CILK1: variants seen among roughly 807,000 people sequenced by gnomAD.
The protein encoded by CILK1 is ciliogenesis associated kinase 1, also known as serine/threonine-protein kinase ICK.
A neutral mutation model predicts 79.2 loss-of-function variants in CILK1; 47 were observed. The ratio of observed to expected loss-of-function variants is 0.59; its 90% CI spans 0.47 to 0.76. The LOEUF is 0.76. Ranked by LOEUF, CILK1 falls within the 30% of genes least tolerant of loss-of-function variation. CILK1 has a pLI of 0.00. For synonymous variants in CILK1, 266 were observed against 275.9 expected (o/e 0.96, Z 0.36); for missense variants, 660 against 769.5 (o/e 0.86, Z 1.68).
intron 1 of CILK1, among the ~76,000 whole-genome samples, chr6:53,045,037 T>C (rs1327690778): frequency 2.6e-5 from 4 of 152,230 alleles, no homozygotes; most frequent in Non-Finnish European, 5.9e-5. Context: ...TTAAAATTAT[T>C]ATAGATTAAA....
chr6:53,052,287 T>C (rs6903243), intron 1 of CILK1, among the ~76,000 whole-genome samples: 303 of 152,290 alleles, frequency 2.0e-3, no homozygotes, highest in African/African-American at 7.0e-3. Flanking sequence ...ATTTTCTTTA[T>C]CCAAGCATAC....
At chr6:53,059,906 T>C (rs1254849785) in intron 1 of CILK1, among the ~76,000 whole-genome samples, 1 of 152,198 alleles carries the variant, frequency 6.6e-6, no homozygotes, top group African/African-American at 2.4e-5. Context: ...GAGAGCTTAC[T>C]AAGAGTCAGG....
rs749304750 is a variant in CILK1 at position 53,012,198 on chromosome 6, A to G, written c.1182T>C (p.Asn394=). The part of the protein sequence containing the change: ...SKITAGLEHK[N]GEIKPKSRRR... ...TCCTACTCTTTGGCTTTATCTCACC[A>G]TTTTTGTGCTCCAGGCCAGCTGTGA... Residue 394 remains asparagine (N), a synonymous_variant, in exon 10 of 14, where the codon AAT becomes AAC. Coordinates refer to ENST00000676107, the MANE Select transcript of CILK1 (RefSeq NM_014920.5). 1.2e-6 allele frequency: 2 copies of G among 1,614,022 alleles called. No homozygotes were observed. Among genetic ancestry groups the G allele is most frequent in the Admixed American group, 3.3e-5 (2 of 59,994 alleles).
At chr6:53,008,968 G>C (rs1018448481) in intron 12 of CILK1, among the ~76,000 whole-genome samples, 1 of 152,008 alleles carries the variant, frequency 6.6e-6, no homozygotes, top group Non-Finnish European at 1.5e-5. Context: ...TCATTCATCC[G>C]TTTAACAAAA....
chr6:53,017,294 G>C (rs543114856), intron 7 of CILK1, among the ~76,000 whole-genome samples: 1 of 152,292 alleles, frequency 6.6e-6, no homozygotes, highest in South Asian at 2.1e-4. Context: ...TCCTGAGTGA[G>C]CTTATGGTCT....
rs538053517 is a variant in CILK1 at position 53,051,887 on chromosome 6, C to T, written c.-173+9709G>A. ...CAGAAATCTGTGCTTACTTACCCAG[C>T]GAACAAGGACATTCTGTTTTAAAAT... is the stretch of plus-strand genomic sequence containing the variant. On this transcript the variant is annotated intron_variant, in intron 1 of 13. Coordinates refer to ENST00000676107, the MANE Select transcript of CILK1 (RefSeq NM_014920.5). 7.9e-5 allele frequency: 12 copies of T among 152,282 alleles called. No individual in the cohort carries two copies. The South Asian group carries it at 8.3e-4, about 11-fold the overall frequency. The allele number at this position is 152,282 out of a possible 1,614,324, so 9.4% of individuals were successfully genotyped here.
At chr6:53,037,606 T>C (rs1238436977) in intron 3 of CILK1, among the ~76,000 whole-genome samples, 4 of 152,194 alleles carry the variant, frequency 2.6e-5, no homozygotes, top group African/African-American at 9.7e-5. Context: ...AAGTAAGTAC[T>C]GCTATTATGT....
intron 11 of CILK1, 60 bp from the exon 12 acceptor site, chr6:53,009,627 C>G: frequency 7.1e-7 from 1 of 1,414,348 alleles, no homozygotes; most frequent in South Asian, 1.2e-5. Context: ...CACTAGACTA[C>G]AAAGATAAAA....
Position 53,041,207 on chromosome 6 carries a change from G to T in CILK1, c.30C>A (p.Leu10=). The change falls in exon 2 of 14, where the codon CTC becomes CTA. Residue 10 remains leucine, a synonymous_variant. Coordinates refer to ENST00000676107, the MANE Select transcript of CILK1 (RefSeq NM_014920.5). ...GGACGGAACCGTAGGTTCCATCCCCGAGCTGCCTGATTGTTGTGTATCTAT... is the reference window on the plus strand; with the variant it reads ...GGACGGAACCGTAGGTTCCATCCCCTAGCTGCCTGATTGTTGTGTATCTAT... MNRYTTIRQ[L]GDGTYGSVLL... The T allele has an allele frequency of 6.2e-7, 1 of 1,613,792 alleles. No individual in the cohort carries two copies. Among genetic ancestry groups the T allele is most frequent in the South Asian group, 1.1e-5 (1 of 91,052 alleles).
intron 2 of CILK1, among the ~76,000 whole-genome samples, chr6:53,038,594 A>G (rs1300729149): frequency 6.6e-6 from 1 of 152,188 alleles, no homozygotes; most frequent in Non-Finnish European, 1.5e-5. Flanking sequence ...AATGGCATTT[A>G]CCTTTTTAAA....
chr6:53,002,085 A>T lies in CILK1; in HGVS notation c.*3064T>A, dbSNP rs1458199472. The T allele has an allele frequency of 6.6e-6, 1 of 152,438 alleles. No homozygotes were observed. Among genetic ancestry groups the T allele is most frequent in the Non-Finnish European group, 1.5e-5 (1 of 68,042 alleles). The allele number at this position is 152,438 out of a possible 1,614,324, so 9.4% of individuals were successfully genotyped here. ...ATATAGTCCTTTAGGCAAGAGATAC[A>T]TTTAAAAAATTATTTGAAAATCAAG... On this transcript the variant is annotated 3_prime_UTR_variant, in exon 14 of 14. Coordinates refer to ENST00000676107, the MANE Select transcript of CILK1 (RefSeq NM_014920.5).
At chr6:53,054,881 A>G (rs1323621185) in intron 1 of CILK1, among the ~76,000 whole-genome samples, 1 of 152,224 alleles carries the variant, frequency 6.6e-6, no homozygotes, top group Non-Finnish European at 1.5e-5. Flanking sequence ...CATGGCCAGC[A>G]GCTCACATCA....
At chr6:53,059,939 G>A (rs1362060481) in intron 1 of CILK1, among the ~76,000 whole-genome samples, 1 of 152,192 alleles carries the variant, frequency 6.6e-6, no homozygotes, top group East Asian at 1.9e-4. Flanking sequence ...TTGCAGTACT[G>A]CAGGAGTGGA....
chr6:53,019,583 A>AT (rs967810362), intron 5 of CILK1, among the ~76,000 whole-genome samples: 4 of 152,144 alleles, frequency 2.6e-5, no homozygotes, highest in Admixed American at 6.5e-5. Context: ...GTTCTTCATA[A>AT]TTTTTTTTAA....
chr6:53,050,382 A>C (rs778422725), intron 1 of CILK1, among the ~76,000 whole-genome samples: 1 of 151,994 alleles, frequency 6.6e-6, no homozygotes, highest in Non-Finnish European at 1.5e-5. Flanking sequence ...AAAAGAAGCC[A>C]ACTATTATCT....
intron 4 of CILK1, 42 bp downstream of exon 4, chr6:53,032,491 C>T: frequency 2.1e-6 from 3 of 1,398,348 alleles, no homozygotes; most frequent in Non-Finnish European, 2.9e-6. Context: ...ATCTGCTTTG[C>T]CTATTTATTT....
intron 3 of CILK1, among the ~76,000 whole-genome samples, chr6:53,034,004 G>C (rs1037354343): frequency 2.6e-5 from 4 of 152,166 alleles, no homozygotes; most frequent in Non-Finnish European, 2.9e-5. Context: ...TACTTCTTTC[G>C]GTCGGGTTGG....
At chr6:53,029,279 C>T (rs1012569967) in intron 5 of CILK1, among the ~76,000 whole-genome samples, 1 of 152,120 alleles carries the variant, frequency 6.6e-6, no homozygotes, top group Non-Finnish European at 1.5e-5. Context: ...AGATACCATG[C>T]CAGAAGTTTT....
chr6:53,004,362 T>C lies in CILK1; in HGVS notation c.*787A>G, dbSNP rs1231450284. On this transcript the variant is annotated 3_prime_UTR_variant, in exon 14 of 14. Transcript: ENST00000676107. ...TTGAAGCAGAAATCTCTTTTATTGGTACACATACAACTTGATTTCAAAAAT... is the reference window on the plus strand; with the variant it reads ...TTGAAGCAGAAATCTCTTTTATTGGCACACATACAACTTGATTTCAAAAAT... 6.6e-6 allele frequency: 1 copy of C among 152,216 alleles called. No homozygotes were observed. Among genetic ancestry groups the C allele is most frequent in the Non-Finnish European group, 1.5e-5 (1 of 68,050 alleles). The allele number at this position is 152,216 out of a possible 1,614,324, so 9.4% of individuals were successfully genotyped here.
Sources: gnomAD v4.1 joint callset for allele counts (sites outside exome capture counted in the v4.1 genomes callset) on GRCh38, gnomAD v4.1.1 for gene constraint, MANE v1.5 for transcripts, NCBI Gene and HGNC (gene_info 2026-07-23, HGNC 2026-07-21) for gene names.